Variants in SLC1A4 observed in about 807,000 individuals in gnomAD.
SLC1A4 encodes the protein solute carrier family 1 member 4, also known as neutral amino acid transporter A.
A neutral mutation model predicts 37.7 loss-of-function variants in SLC1A4; 19 were observed. The ratio of observed to expected loss-of-function variants is 0.50; its 90% CI spans 0.35 to 0.74. The LOEUF is 0.74. Ranked by LOEUF, SLC1A4 falls within the 30% of genes least tolerant of loss-of-function variation. The pLI is 0.01. For synonymous variants in SLC1A4, 299 were observed against 309.8 expected (o/e 0.97, Z 0.37); for missense variants, 570 against 712.9 (o/e 0.80, Z 2.28).
At chr2:65,015,538 G>A (rs897862739) in intron 4 of SLC1A4, among the ~76,000 whole-genome samples, 3 of 152,176 alleles carry the variant, frequency 2.0e-5, no homozygotes, top group Non-Finnish European at 1.5e-5. Context: ...TGTCATCTAC[G>A]TTTTAATTTT....
chr2:64,994,125 A>G (rs1248990590), intron 1 of SLC1A4, among the ~76,000 whole-genome samples: 1 of 152,262 alleles, frequency 6.6e-6, no homozygotes, highest in Non-Finnish European at 1.5e-5. Flanking sequence ...CTACTAATTA[A>G]TAGAGTCACA....
At chr2:64,989,203 G>A (rs1397239990), upstream of SLC1A4, among the ~76,000 whole-genome samples, 2 of 151,682 alleles carry the variant, frequency 1.3e-5, no homozygotes, top group African/African-American at 4.8e-5. Context: ...CCTCCCGCCC[G>A]GCCGCCCCCT....
At chr2:65,010,879 G>A in intron 4 of SLC1A4, 116 bp downstream of exon 4, 1 of 1,032,040 alleles carries the variant, frequency 9.7e-7, no homozygotes, top group East Asian at 2.5e-5. Context: ...CTGTGTATGT[G>A]GTTGATGCAC....
At chr2:65,003,867 C>T in intron 2 of SLC1A4, 86 bp from the exon 3 acceptor site, 1 of 965,216 alleles carries the variant, frequency 1.0e-6, no homozygotes, top group Non-Finnish European at 1.7e-6. Context: ...GACAGAAGTA[C>T]CAAGAGTGCA....
At chr2:65,012,341 A>G (rs1056151461) in intron 4 of SLC1A4, among the ~76,000 whole-genome samples, 1 of 152,050 alleles carries the variant, frequency 6.6e-6, no homozygotes, top group Non-Finnish European at 1.5e-5. Flanking sequence ...TGCCCGCCTC[A>G]GCCTCCCAAA....
chr2:64,992,443 G>T (rs1278336030), intron 1 of SLC1A4, among the ~76,000 whole-genome samples: 1 of 152,180 alleles, frequency 6.6e-6, no homozygotes, highest in Non-Finnish European at 1.5e-5. Flanking sequence ...CTGCATGGAG[G>T]GCTAAGAGAG....
rs897698864 is a variant in SLC1A4 at position 65,018,644 on chromosome 2, T to C, written c.1329T>C (p.His443=). 3.1e-6 allele frequency: 5 copies of C among 1,614,118 alleles called. No homozygotes were observed. The Admixed American group carries it at 8.3e-5, about 27-fold the overall frequency. The change falls in exon 7 of 8, where the codon CAT becomes CAC. Residue 443 remains histidine, a synonymous_variant. Transcript: ENST00000234256. The surrounding 1 kb of genome is among the most constrained non-coding windows in gnomAD (Gnocchi z 4.3). ...TGGAGGCCATTGGGCTGCCTACTCA[T>C]GACCTGCCTCTGATCCTGGCTGTGG... ...IILEAIGLPT[H]DLPLILAVDW...
intron 3 of SLC1A4, among the ~76,000 whole-genome samples, chr2:65,006,003 A>C (rs1311568848): frequency 1.3e-5 from 2 of 152,084 alleles, no homozygotes; most frequent in Non-Finnish European, 2.9e-5. Flanking sequence ...ATTATGTCTA[A>C]ATAAATAAAT....
chr2:65,007,485 A>G (rs1186401864), intron 3 of SLC1A4, among the ~76,000 whole-genome samples: 1 of 152,176 alleles, frequency 6.6e-6, no homozygotes, highest in Non-Finnish European at 1.5e-5. Flanking sequence ...AAGTCTGCCT[A>G]GGTGTGCAGC....
chr2:64,995,480 G>C (rs1446060234), intron 1 of SLC1A4, among the ~76,000 whole-genome samples: 2 of 152,180 alleles, frequency 1.3e-5, no homozygotes, highest in African/African-American at 4.8e-5. Context: ...CACTCCAGGG[G>C]TTCAGCCTTA....
upstream of SLC1A4, among the ~76,000 whole-genome samples, chr2:64,989,135 C>A (rs1672926612): frequency 6.6e-6 from 1 of 151,862 alleles, no homozygotes; most frequent in African/African-American, 2.4e-5. Context: ...GGCGGGTAGG[C>A]GGCTATTGGC....
At chr2:64,991,242 T>C (rs916922000) in intron 1 of SLC1A4, among the ~76,000 whole-genome samples, 1 of 152,010 alleles carries the variant, frequency 6.6e-6, no homozygotes, top group Non-Finnish European at 1.5e-5. Context: ...TTCTGGAAAA[T>C]GTGATGGCTG....
Position 64,990,077 on chromosome 2 carries a change from C to T in SLC1A4, c.434C>T (p.Ala145Val), listed in dbSNP as rs1339727721. The T allele has an allele frequency of 1.9e-6, 3 of 1,608,764 alleles. No homozygotes were observed. The Admixed American group carries it at 5.0e-5, about 27-fold the overall frequency. Residue 145 changes from alanine to valine, a missense_variant, in exon 1 of 8, where the codon GCG (alanine) becomes GTG (valine). By Grantham distance (64) the Ala-to-Val change is moderately conservative. Transcript: ENST00000234256. ...LAFIIKPGSG[A>V]QTLQSSDLGL... ...TTCATCATCAAGCCAGGATCCGGTG[C>T]GCAGACCCTTCAGTCCAGCGACCTG...
chr2:65,004,934 G>A (rs1051163307), intron 3 of SLC1A4, among the ~76,000 whole-genome samples: 5 of 152,090 alleles, frequency 3.3e-5, no homozygotes, highest in Non-Finnish European at 2.9e-5. Context: ...TACCCCAAAC[G>A]CAACAGCTAC....
intron 5 of SLC1A4, 84 bp downstream of exon 5, chr2:65,016,757 G>A: frequency 1.2e-6 from 1 of 857,196 alleles, no homozygotes; most frequent in Admixed American, 2.0e-5. Flanking sequence ...CACAACCAGT[G>A]TCTTGACATA....
intron 3 of SLC1A4, among the ~76,000 whole-genome samples, chr2:65,007,457 C>T (rs1673728035): frequency 6.6e-6 from 1 of 152,164 alleles, no homozygotes; most frequent in African/African-American, 2.4e-5. Flanking sequence ...TTGTAGTCCC[C>T]TAGCCCCATT....
intron 1 of SLC1A4, among the ~76,000 whole-genome samples, chr2:64,993,950 T>C (rs78636247): frequency 1.1e-3 from 164 of 152,278 alleles, no homozygotes; most frequent in Non-Finnish European, 2.0e-3. Flanking sequence ...CCTGAGCTAA[T>C]GGGGATGGCC....
chr2:65,019,913 T>A (rs1474752000), intron 7 of SLC1A4, among the ~76,000 whole-genome samples: 1 of 152,198 alleles, frequency 6.6e-6, no homozygotes, highest in African/African-American at 2.4e-5. Context: ...CCCCTCTGAT[T>A]CTGCAGACAG....
chr2:65,009,303 G>A (rs1275346271), intron 3 of SLC1A4, among the ~76,000 whole-genome samples: 1 of 152,022 alleles, frequency 6.6e-6, no homozygotes, highest in Non-Finnish European at 1.5e-5. Context: ...AACCCAGGAG[G>A]TGGAGGTTGT....
Sources: gnomAD v4.1 joint callset for allele counts (sites outside exome capture counted in the v4.1 genomes callset) on GRCh38, gnomAD v4.1.1 for gene constraint, Gnocchi (gnomAD v3.1) non-coding constraint, MANE v1.5 for transcripts, NCBI Gene and HGNC (gene_info 2026-07-23, HGNC 2026-07-21) for gene names.